The following GRM1 variants were observed in gnomAD, a reference collection of about 807,000 sequenced individuals.
The protein encoded by GRM1 is glutamate metabotropic receptor 1, also known as metabotropic glutamate receptor 1.
In GRM1, 33 loss-of-function variants were observed where a neutral mutation model predicts 90.9. The observed-to-expected ratio is 0.36, with a 90% CI of 0.28 to 0.49. The LOEUF (loss-of-function observed/expected upper bound fraction) is 0.49, where lower values mean the gene tolerates loss of function less well. Among genes scored for constraint, GRM1 ranks in the 20% least tolerant of loss-of-function variants. The probability of loss-of-function intolerance (pLI) is 0.99; values close to 1 mark genes in which losing one functional copy is unlikely to be tolerated. For missense variants in GRM1, 1,190 were observed against 1,534.3 expected, an observed-to-expected ratio of 0.78 and a Z score of 3.75; for synonymous variants, 700 against 613.2, an observed-to-expected ratio of 1.14 and a Z score of -2.09.
chr6:146,190,962 G>T (rs891438779), intron 2 of GRM1, among the ~76,000 whole-genome samples: 1 of 152,124 alleles, frequency 6.6e-6, no homozygotes, highest in Non-Finnish European at 1.5e-5. Flanking sequence ...TGTATTCATA[G>T]CTCCTTAAGA....
At chr6:146,184,752 T>C (rs1230277428) in intron 2 of GRM1, among the ~76,000 whole-genome samples, 1 of 152,228 alleles carries the variant, frequency 6.6e-6, no homozygotes, top group Non-Finnish European at 1.5e-5. Context: ...TGTGGGGCTC[T>C]GCTTCATCTC....
In GRM1 at chr6:146,173,698, G is replaced by C. The variant is rs1395792293; in HGVS notation, c.950+14101G>C. Among the ~76,000 whole-genome samples the C allele has an allele frequency of 1.1e-3, 151 of 141,094 alleles. 3 individuals are homozygous for C. The highest frequency in any genetic ancestry group is 8.9e-4 in the Non-Finnish European group (59 of 66,410). 92.6% of individuals were successfully genotyped at this position (141,094 alleles called of 152,430 possible). On this transcript the variant is annotated intron_variant, in intron 2 of 7. Coordinates refer to ENST00000282753, the MANE Select transcript of GRM1 (RefSeq NM_001278064.2). ...TTTTTTTTTTTCGAGACAGAGTCTC[G>C]CCCTGTTGCCCAGGCTGGAGTGCAA...
intron 2 of GRM1, among the ~76,000 whole-genome samples, chr6:146,169,132 T>A (rs1161288577): frequency 6.6e-6 from 1 of 152,158 alleles, no homozygotes; most frequent in Non-Finnish European, 1.5e-5. Flanking sequence ...CACTTTTTTC[T>A]TTTACATTTT....
intron 3 of GRM1, among the ~76,000 whole-genome samples, chr6:146,337,284 A>G (rs747661011): frequency 2.8e-4 from 43 of 152,318 alleles, no homozygotes; most frequent in African/African-American, 6.3e-4. Flanking sequence ...GATAATCCAT[A>G]TAAATTCAGG....
At chr6:146,133,427 A>T (rs778454989) in intron 1 of GRM1, among the ~76,000 whole-genome samples, 9 of 152,236 alleles carry the variant, frequency 5.9e-5, no homozygotes, top group Admixed American at 2.0e-4. Context: ...ACACAAGGAC[A>T]GGGGAAAAGA....
intron 1 of GRM1, among the ~76,000 whole-genome samples, chr6:146,080,775 A>G (rs140881682): frequency 6.6e-6 from 1 of 152,340 alleles, no homozygotes; most frequent in Non-Finnish European, 1.5e-5. Context: ...GTCGGAAGCA[A>G]TAAAGTAGAA....
chr6:146,107,128 G>A (rs1775335953), intron 1 of GRM1, among the ~76,000 whole-genome samples: 1 of 152,090 alleles, frequency 6.6e-6, no homozygotes, highest in Non-Finnish European at 1.5e-5. Context: ...CTGTTAGCAG[G>A]AAGACGGCCT....
chr6:146,322,806 A>G (rs1784248962), intron 3 of GRM1, among the ~76,000 whole-genome samples: 1 of 149,808 alleles, frequency 6.7e-6, no homozygotes, highest in Non-Finnish European at 1.5e-5. Flanking sequence ...TCCTGTGTCC[A>G]TGTGTTCTCA....
intron 2 of GRM1, among the ~76,000 whole-genome samples, chr6:146,262,634 T>A (rs1279843612): frequency 6.6e-6 from 1 of 151,964 alleles, no homozygotes; most frequent in South Asian, 2.1e-4. Flanking sequence ...TTTCTCTGTG[T>A]ATGTGTATGT....
chr6:146,082,786 G>C (rs1776407997), intron 1 of GRM1, among the ~76,000 whole-genome samples: 1 of 152,148 alleles, frequency 6.6e-6, no homozygotes. Context: ...GTCAATGGTA[G>C]TTTGATGGGA....
chr6:146,182,158 A>G (rs1778572053), intron 2 of GRM1, among the ~76,000 whole-genome samples: 1 of 152,158 alleles, frequency 6.6e-6, no homozygotes, highest in African/African-American at 2.4e-5. Flanking sequence ...TCTCATGTAC[A>G]CAGAATATAG....
In GRM1 at chr6:146,128,500, G is replaced by A. The variant is rs28460426; in HGVS notation, c.701-30848G>A. Among the ~76,000 whole-genome samples, 507 of 152,124 alleles carry A rather than the reference G, an allele frequency of 3.3e-3. 3 individuals carry two copies. The highest frequency in any genetic ancestry group is 0.012 in the African/African-American group (488 of 41,490). ...TTATTTCACCAATAATATATTTAAG[G>A]TGTGGAGTTGAGATTTGAACCCATG... On this transcript the variant is annotated intron_variant, in intron 1 of 7. Transcript: ENST00000282753.
intron 1 of GRM1, among the ~76,000 whole-genome samples, chr6:146,147,977 T>TATTAC (rs1777173836): frequency 6.6e-6 from 1 of 152,242 alleles, no homozygotes; most frequent in African/African-American, 2.4e-5. Context: ...AAGAAATCTG[T>TATTAC]ATGTATTACA....
chr6:146,172,494 T>G (rs1407365856), intron 2 of GRM1, among the ~76,000 whole-genome samples: 1 of 152,320 alleles, frequency 6.6e-6, no homozygotes, highest in East Asian at 1.9e-4. Context: ...TGGCTATTAT[T>G]TTGAGCAGAA....
In GRM1 at chr6:146,371,210, T is replaced by C. The variant is rs545610260; in HGVS notation, c.1602+13516T>C. ...GAAAAACGGATCAGTAATTAGATTC[T>C]ATTGTTGCCCAAGCTCTCAAAGAGG... On this transcript the variant is annotated intron_variant, in intron 5 of 7. Transcript: ENST00000282753. Among the ~76,000 whole-genome samples, 9 of 152,220 alleles carry C rather than the reference T, an allele frequency of 5.9e-5. No homozygotes were observed. The South Asian group carries it at 1.9e-3, about 32-fold the overall frequency.
chr6:146,082,696 A>C (rs1013255928), intron 1 of GRM1, among the ~76,000 whole-genome samples: 1 of 152,160 alleles, frequency 6.6e-6, no homozygotes, highest in African/African-American at 2.4e-5. Context: ...GAATTGCTCC[A>C]ACAGCTAGAA....
At chr6:146,356,770 A>G (rs1785600368) in intron 4 of GRM1, among the ~76,000 whole-genome samples, 1 of 152,178 alleles carries the variant, frequency 6.6e-6, no homozygotes. Flanking sequence ...CGTTCTTTAG[A>G]TTGCATTGTA....
chr6:146,268,235 TATA>T (rs1781991690), intron 2 of GRM1, among the ~76,000 whole-genome samples: 1 of 152,336 alleles, frequency 6.6e-6, no homozygotes, highest in South Asian at 2.1e-4. Context: ...TGACTGAACA[TATA>T]AAAATGTTAA....
Position 146,036,692 on chromosome 6 carries a change from T to G in GRM1, c.700+6475T>G, listed in dbSNP as rs547520438. Among the ~76,000 whole-genome samples the G allele has an allele frequency of 9.9e-5, 15 of 152,068 alleles. No homozygotes were observed. In the South Asian group the frequency reaches 3.1e-3, roughly 32 times the overall value. On this transcript the variant is annotated intron_variant, in intron 1 of 7. Coordinates refer to ENST00000282753, the MANE Select transcript of GRM1 (RefSeq NM_001278064.2). ...ATTATCAATTTTAGGATTATCTATT[T>G]TATTTATTTCATAGCCAACAAATTA...
Sources: allele counts gnomAD v4.1 joint callset (sites outside exome capture counted in the v4.1 genomes callset), GRCh38; gene constraint gnomAD v4.1.1; transcripts MANE v1.5; gene names NCBI Gene and HGNC (gene_info 2026-07-23, HGNC 2026-07-21).